Variants in SYT1 observed in about 807,000 individuals in gnomAD.
SYT1 encodes synaptotagmin-1.
A neutral mutation model predicts 44.8 loss-of-function variants in SYT1; 8 were observed. The ratio of observed to expected loss-of-function variants is 0.18; its 90% CI spans 0.10 to 0.32. The LOEUF (loss-of-function observed/expected upper bound fraction) is 0.32. Ranked by LOEUF, SYT1 falls within the 10% of genes least tolerant of loss-of-function variation. The pLI is 1.00. For missense variants in SYT1, 286 were observed against 509.3 expected, an observed-to-expected ratio of 0.56 and a Z score of 4.22; for synonymous variants, 154 against 188.8, an observed-to-expected ratio of 0.82 and a Z score of 1.51.
chr12:79,429,497 C>T (rs139004190), intron 9 of SYT1, among the ~76,000 whole-genome samples: 1 of 151,956 alleles, frequency 6.6e-6, no homozygotes, highest in Non-Finnish European at 1.5e-5. Flanking sequence ...ACCACTATGC[C>T]CAGCCTGGAT....
intron 8 of SYT1, among the ~76,000 whole-genome samples, chr12:79,303,936 G>T (rs140869403): frequency 6.6e-6 from 1 of 152,064 alleles, no homozygotes; most frequent in African/African-American, 2.4e-5. Flanking sequence ...TCCACCCAAC[G>T]ATCAATGCCC....
At chr12:79,049,956 T>C (rs1194314065) in intron 3 of SYT1, among the ~76,000 whole-genome samples, 3 of 151,982 alleles carry the variant, frequency 2.0e-5, no homozygotes, top group Non-Finnish European at 4.4e-5. Flanking sequence ...AGATGCTTTC[T>C]TATAAGAATA....
intron 1 of SYT1, among the ~76,000 whole-genome samples, chr12:78,969,731 C>T (rs1000370335): frequency 1.3e-5 from 2 of 152,048 alleles, no homozygotes; most frequent in African/African-American, 2.4e-5. Flanking sequence ...GCATTATAAA[C>T]GTAAGTTATC....
At chr12:79,313,603 C>CA (rs58288822) in intron 8 of SYT1, among the ~76,000 whole-genome samples, 7,330 of 100,912 alleles carry the variant, frequency 0.073, 197 homozygotes, top group African/African-American at 0.11. Flanking sequence ...TTTTAAAAAG[C>CA]AAAAAAAAAA....
At chr12:79,174,690 T>C (rs1284081617) in intron 3 of SYT1, among the ~76,000 whole-genome samples, 1 of 152,012 alleles carries the variant, frequency 6.6e-6, no homozygotes, top group Non-Finnish European at 1.5e-5. Flanking sequence ...CTGTTGACAG[T>C]ACAGAAGGTG....
At chr12:79,055,526 C>T (rs566147435) in intron 3 of SYT1, among the ~76,000 whole-genome samples, 30 of 151,990 alleles carry the variant, frequency 2.0e-4, no homozygotes, top group African/African-American at 7.0e-4. Flanking sequence ...AGGGTTTTGC[C>T]TTGGGTTGCA....
At chr12:79,203,013 T>C (rs1873882317) in intron 3 of SYT1, among the ~76,000 whole-genome samples, 1 of 151,706 alleles carries the variant, frequency 6.6e-6, no homozygotes, top group Non-Finnish European at 1.5e-5. Context: ...AAGCTAGGAG[T>C]CAGAGGCACA....
intron 8 of SYT1, among the ~76,000 whole-genome samples, chr12:79,350,548 G>A (rs1239093542): frequency 1.3e-5 from 2 of 151,994 alleles, no homozygotes; most frequent in African/African-American, 2.4e-5. Flanking sequence ...CACCGCGCCC[G>A]GCCCTCAGGA....
Position 79,143,209 on chromosome 12 carries a change from CT to C in SYT1, c.-17-74293del, listed in dbSNP as rs536582768. 7.9e-3 allele frequency among the ~76,000 whole-genome samples: 1,201 copies of C among 152,308 alleles called. 9 individuals carry two copies. The highest frequency in any genetic ancestry group is 0.014 in the Non-Finnish European group (949 of 68,010). On this transcript the variant is annotated intron_variant, in intron 3 of 10. Coordinates refer to ENST00000261205, the MANE Select transcript of SYT1 (RefSeq NM_005639.3). ...AATTGTTACCATAGGAACAATGGTA[CT>C]AGTAAGCATCATTTATACACACATA...
chr12:79,332,591 C>T, intron 8 of SYT1, among the ~76,000 whole-genome samples: 1 of 152,170 alleles, frequency 6.6e-6, no homozygotes, highest in East Asian at 1.9e-4. Context: ...GAATAAAAGT[C>T]AGTAACTCCG....
intron 3 of SYT1, among the ~76,000 whole-genome samples, chr12:79,078,267 ACT>A (rs1876796134): frequency 1.3e-5 from 2 of 151,614 alleles, no homozygotes; most frequent in African/African-American, 2.4e-5. Flanking sequence ...CCTCACCTTC[ACT>A]CTGTTCTTGG....
chr12:79,332,713 T>C (rs1411549997), intron 8 of SYT1, among the ~76,000 whole-genome samples: 4 of 152,242 alleles, frequency 2.6e-5, no homozygotes, highest in African/African-American at 7.2e-5. Context: ...TTTAACCTGC[T>C]TTGTGAAGGA....
At chr12:79,330,406 C>G (rs777149989) in intron 8 of SYT1, among the ~76,000 whole-genome samples, 3 of 152,082 alleles carry the variant, frequency 2.0e-5, no homozygotes, top group Non-Finnish European at 4.4e-5. Flanking sequence ...CTGAGTACTC[C>G]TAAATAATGA....
At chr12:78,966,997 C>A (rs1423148557) in intron 1 of SYT1, among the ~76,000 whole-genome samples, 1 of 152,118 alleles carries the variant, frequency 6.6e-6, no homozygotes, top group Non-Finnish European at 1.5e-5. Context: ...TGAGCATAAA[C>A]TGTTGAAGGC....
chr12:79,308,622 A>AAGAAAGAG, intron 8 of SYT1, among the ~76,000 whole-genome samples: 1 of 33,158 alleles, frequency 3.0e-5, no homozygotes, highest in East Asian at 5.0e-4. Context: ...AAAAGAAAGA[A>AAGAAAGAG]AGAAAGAAAG....
intron 8 of SYT1, among the ~76,000 whole-genome samples, chr12:79,322,639 G>T (rs1031961797): frequency 1.3e-5 from 2 of 152,030 alleles, no homozygotes; most frequent in African/African-American, 4.8e-5. Flanking sequence ...TCAAACTCTC[G>T]GGGCGTTGGG....
intron 1 of SYT1, among the ~76,000 whole-genome samples, chr12:78,966,177 A>C (rs1879763460): frequency 6.6e-6 from 1 of 152,136 alleles, no homozygotes. Flanking sequence ...TTTTGTTGAC[A>C]AGGTAGTGGG....
intron 8 of SYT1, among the ~76,000 whole-genome samples, chr12:79,339,075 A>G (rs1465074890): frequency 3.3e-5 from 5 of 152,130 alleles, no homozygotes; most frequent in Non-Finnish European, 7.3e-5. Flanking sequence ...TCATTGATGG[A>G]CATTTGGGTT....
chr12:79,297,492 C>T (rs1183540186), intron 7 of SYT1, among the ~76,000 whole-genome samples: 1 of 152,164 alleles, frequency 6.6e-6, no homozygotes, highest in African/African-American at 2.4e-5. Flanking sequence ...ATTATATGAG[C>T]TAATGTATTG....
Sources: allele counts gnomAD v4.1 joint callset (sites outside exome capture counted in the v4.1 genomes callset), GRCh38; gene constraint gnomAD v4.1.1; transcripts MANE v1.5; gene names NCBI Gene and HGNC (gene_info 2026-07-23, HGNC 2026-07-21).